Variants in MCPH1 observed in about 807,000 individuals in gnomAD.
MCPH1 encodes microcephalin.
In MCPH1, 104 loss-of-function variants were observed where a neutral mutation model predicts 84.5. That is an observed-to-expected ratio of 1.23 (90% CI 1.05 to 1.45). The LOEUF (loss-of-function observed/expected upper bound fraction) is 1.45. Among genes scored for constraint, MCPH1 ranks in the 40% most tolerant of loss-of-function variants. The pLI is 0.00. For missense variants in MCPH1, 1,498 were observed against 1,005.7 expected, an observed-to-expected ratio of 1.49 and a Z score of -6.62; for synonymous variants, 514 against 366.8, an observed-to-expected ratio of 1.40 and a Z score of -4.58.
chr8:6,499,917 C>G lies in MCPH1; in HGVS notation c.2202C>G (p.Phe734Leu), dbSNP rs200049022. Residue 734 changes from phenylalanine (F) to leucine (L), a missense_variant, in exon 12 of 14, where the codon TTC becomes TTG. By Grantham distance (22) the Phe-to-Leu change is conservative (BLOSUM62 0). Coordinates refer to ENST00000344683, the MANE Select transcript of MCPH1 (RefSeq NM_024596.5). Reference protein sequence around the residue: ...SEEPFELSHHFPAAPLCRSEC... With the variant: ...SEEPFELSHHLPAAPLCRSEC... ...AGCCGTTCGAACTGTCTCACCACTT[C>G]CCTGCAGCTCCCGTAAGTCAGATGT... 4.3e-6 allele frequency: 7 copies of G among 1,613,556 alleles called. No homozygotes were observed. Among genetic ancestry groups the G allele is most frequent in the Non-Finnish European group, 4.2e-6 (5 of 1,179,802 alleles).
At chr8:6,550,776 T>G (rs2129574872) in intron 12 of MCPH1, among the ~76,000 whole-genome samples, 1 of 152,328 alleles carries the variant, frequency 6.6e-6, no homozygotes, top group East Asian at 1.9e-4. Context: ...GAGCTGGAGT[T>G]TCTTACCCAT....
chr8:6,518,543 G>A lies in MCPH1; in HGVS notation c.2214+18614G>A, dbSNP rs144950462. ...GAATAGCACAATATTTATCTTTTCC[G>A]TTCATAATCAAGATACATGTTACTG... On this transcript the variant is annotated intron_variant, in intron 12 of 13. Transcript: ENST00000344683. Among the ~76,000 whole-genome samples the A allele has an allele frequency of 2.6e-4, 39 of 152,186 alleles. No individual in the cohort carries two copies. In the East Asian group the frequency reaches 2.9e-3, roughly 11 times the overall value.
At chr8:6,589,063 A>G (rs563005114) in intron 12 of MCPH1, among the ~76,000 whole-genome samples, 1 of 152,342 alleles carries the variant, frequency 6.6e-6, no homozygotes, top group South Asian at 2.1e-4. Context: ...AAACAAAAGT[A>G]CAAAATTATT....
intron 9 of MCPH1, among the ~76,000 whole-genome samples, chr8:6,460,689 G>A (rs551887379): frequency 6.6e-6 from 1 of 151,850 alleles, no homozygotes; most frequent in Non-Finnish European, 1.5e-5. Context: ...TAATATGCCT[G>A]GTTAGTTTGT....
intron 7 of MCPH1, among the ~76,000 whole-genome samples, chr8:6,444,082 G>C (rs185966191): frequency 3.5e-4 from 53 of 152,286 alleles, no homozygotes; most frequent in Admixed American, 3.1e-3. Flanking sequence ...AAAATTTAGT[G>C]ACAAACTATG....
intron 12 of MCPH1, among the ~76,000 whole-genome samples, chr8:6,506,925 C>T (rs1304936295): frequency 6.6e-6 from 1 of 151,344 alleles, no homozygotes; most frequent in African/African-American, 2.4e-5. Flanking sequence ...GAGACGGAGT[C>T]TCACTCTTGT....
At chr8:6,408,949 A>G (rs2120483) in intron 1 of MCPH1, among the ~76,000 whole-genome samples, 49,630 of 151,056 alleles carry the variant, frequency 0.33, 10,466 homozygotes, top group African/African-American at 0.61. Context: ...GCAATGGCGC[A>G]ATCTCGGCTC....
intron 12 of MCPH1, among the ~76,000 whole-genome samples, chr8:6,515,672 C>T (rs545349736): frequency 5.3e-5 from 8 of 152,156 alleles, no homozygotes; most frequent in East Asian, 1.9e-4. Flanking sequence ...TACAGTAGAA[C>T]GAAACATGTT....
At chr8:6,440,163 G>A (rs1047561635) in intron 6 of MCPH1, among the ~76,000 whole-genome samples, 4 of 152,070 alleles carry the variant, frequency 2.6e-5, no homozygotes, top group African/African-American at 7.2e-5. Flanking sequence ...AAATCTATTG[G>A]TGGGTATTTT....
rs560675182 is a variant in MCPH1 at position 6,496,211 on chromosome 8, C to T, written c.2137-3641C>T. 2.4e-4 allele frequency among the ~76,000 whole-genome samples: 36 copies of T among 152,196 alleles called. No homozygotes were observed. The South Asian group carries it at 6.4e-3, about 27-fold the overall frequency. ...CGAGAGACAGTGACAGATCATCAGG[C>T]GTTAGATTCTCATAAGGAGCATGCA... On this transcript the variant is annotated intron_variant, in intron 11 of 13. Transcript: ENST00000344683.
rs1301304396 is a variant in MCPH1 at position 6,414,861 on chromosome 8, G to A, written c.211G>A (p.Val71Ile). 6.8e-6 allele frequency: 11 copies of A among 1,613,612 alleles called. No individual in the cohort carries two copies. Among genetic ancestry groups the A allele is most frequent in the East Asian group, 4.5e-5 (2 of 44,866 alleles). Residue 71 changes from valine (V) to isoleucine (I), a missense_variant, in exon 3 of 14, where the codon GTT becomes ATT. By Grantham distance (29) the Val-to-Ile change is conservative (BLOSUM62 3). Coordinates refer to ENST00000344683, the MANE Select transcript of MCPH1 (RefSeq NM_024596.5). ...DKAQKRGVKL[V>I]SVLWVEKCRT... ...AGCTCAGAAGAGAGGCGTAAAGCTC[G>A]TTTCGGTGCTCTGGGTGGAAAAGTA...
chr8:6,613,371 A>G (rs1019149341), intron 12 of MCPH1, among the ~76,000 whole-genome samples: 1 of 152,172 alleles, frequency 6.6e-6, no homozygotes, highest in Non-Finnish European at 1.5e-5. Flanking sequence ...GCCGGTGCAG[A>G]GAAGCTCGGC....
At chr8:6,501,118 G>T (rs1812095773) in intron 12 of MCPH1, 1 of 152,210 alleles carries the variant, frequency 6.6e-6, no homozygotes, top group Admixed American at 6.5e-5. Flanking sequence ...AGATAGGGAG[G>T]TTCTTAACTA....
At chr8:6,489,001 AT>A (rs1424331371) in intron 11 of MCPH1, among the ~76,000 whole-genome samples, 2 of 151,932 alleles carry the variant, frequency 1.3e-5, no homozygotes, top group Non-Finnish European at 2.9e-5. Flanking sequence ...TCCCACCCAA[AT>A]TTTTTCCTGG....
chr8:6,619,624 G>A (rs1055456518), intron 12 of MCPH1, among the ~76,000 whole-genome samples: 1 of 150,872 alleles, frequency 6.6e-6, no homozygotes, highest in Non-Finnish European at 1.5e-5. Context: ...TGCTCTTATT[G>A]CCCAGGCTGG....
At chr8:6,488,857 G>A (rs1810248139) in intron 11 of MCPH1, among the ~76,000 whole-genome samples, 2 of 151,244 alleles carry the variant, frequency 1.3e-5, no homozygotes, top group Non-Finnish European at 2.9e-5. Context: ...GGTCATCGAG[G>A]TGAAAAATGA....
chr8:6,621,450 A>T lies in MCPH1; in HGVS notation c.2215-4A>T. 6.2e-7 allele frequency: 1 copy of T among 1,613,856 alleles called. No homozygotes were observed. Among genetic ancestry groups the T allele is most frequent in the Non-Finnish European group, 8.5e-7 (1 of 1,179,924 alleles). Reference sequence around the variant, plus strand: ...CTGTAATTCTATCTCTGTCTGCCCCACAGCTGTGCCGAAGCGAGTGCCACT... The same window carrying T: ...CTGTAATTCTATCTCTGTCTGCCCCTCAGCTGTGCCGAAGCGAGTGCCACT... On this transcript the variant is annotated splice_region_variant and splice_polypyrimidine_tract_variant and intron_variant, in intron 12 of 13. Coordinates refer to ENST00000344683, the MANE Select transcript of MCPH1 (RefSeq NM_024596.5).
chr8:6,505,700 C>T (rs1282092606), intron 12 of MCPH1, among the ~76,000 whole-genome samples: 1 of 90,094 alleles, frequency 1.1e-5, no homozygotes, highest in African/African-American at 3.2e-5. Context: ...TATATGTATT[C>T]TTTATTACGT....
chr8:6,574,943 C>T (rs1240365354), intron 12 of MCPH1, among the ~76,000 whole-genome samples: 1 of 152,096 alleles, frequency 6.6e-6, no homozygotes, highest in Non-Finnish European at 1.5e-5. Context: ...AAATGACAAA[C>T]AGGATAAATA....
Sources: allele counts gnomAD v4.1 joint callset (sites outside exome capture counted in the v4.1 genomes callset), GRCh38; gene constraint gnomAD v4.1.1; transcripts MANE v1.5; gene names NCBI Gene and HGNC (gene_info 2026-07-23, HGNC 2026-07-21).